The following SYNJ2 variants were observed in gnomAD, a reference collection of about 807,000 sequenced individuals.
The protein encoded by SYNJ2 is polyphosphatidylinositol phosphatase SYNJ2.
A neutral mutation model predicts 141.3 loss-of-function variants in SYNJ2; 116 were observed. The observed-to-expected ratio is 0.82, with a 90% CI of 0.71 to 0.96. The LOEUF (loss-of-function observed/expected upper bound fraction) is 0.96. SYNJ2 is among the 40% of genes least tolerant of loss of function. The probability of loss-of-function intolerance (pLI) is 0.00; values close to 1 mark genes in which losing one functional copy is unlikely to be tolerated. For synonymous variants in SYNJ2, 745 were observed against 777.7 expected, an observed-to-expected ratio of 0.96 and a Z score of 0.70; for missense variants, 1,873 against 1,934.8, an observed-to-expected ratio of 0.97 and a Z score of 0.60.
chr6:158,009,609 C>T (rs1157916037), intron 1 of SYNJ2, among the ~76,000 whole-genome samples: 1 of 152,156 alleles, frequency 6.6e-6, no homozygotes, highest in East Asian at 1.9e-4. Flanking sequence ...AAGACATTCT[C>T]GTGTAGGAAA....
intron 2 of SYNJ2, 148 bp from the exon 3 acceptor site, chr6:158,028,608 T>C (rs778027884): frequency 1.9e-5 from 20 of 1,029,266 alleles, no homozygotes; most frequent in Non-Finnish European, 2.7e-5. Context: ...TCTTGAGCCA[T>C]TGAGTTGGGC....
chr6:158,094,034 C>T (rs1783643359), intron 26 of SYNJ2: 1 of 763,518 alleles, frequency 1.3e-6, no homozygotes, highest in Admixed American at 1.7e-5. Context: ...GTAACGGACC[C>T]TCGGTAATCC....
rs150904885 is a variant in SYNJ2 at position 158,022,146 on chromosome 6, G to A, written c.214+4856G>A. Among the ~76,000 whole-genome samples the A allele has an allele frequency of 9.6e-3, 1,456 of 152,302 alleles. 23 individuals are homozygous for A. The highest frequency in any genetic ancestry group is 0.033 in the African/African-American group (1,358 of 41,554). On this transcript the variant is annotated intron_variant, in intron 2 of 26. Transcript: ENST00000355585. Reference sequence around the variant, plus strand: ...GGGGAGGCTCAAGGGTCATCTGGCCGAAGCTTCCCCCTTCACAGGTGGGAA... The same window carrying A: ...GGGGAGGCTCAAGGGTCATCTGGCCAAAGCTTCCCCCTTCACAGGTGGGAA...
intron 12 of SYNJ2, 164 bp downstream of exon 12, chr6:158,066,799 C>G (rs1317542836): frequency 1.3e-6 from 1 of 767,190 alleles, no homozygotes; most frequent in South Asian, 1.7e-5. Flanking sequence ...AATGCTGCCT[C>G]GCAAGTAACT....
intron 1 of SYNJ2, among the ~76,000 whole-genome samples, chr6:157,983,024 C>T (rs1777070595): frequency 6.6e-6 from 1 of 152,374 alleles, no homozygotes; most frequent in East Asian, 1.9e-4. Context: ...GCTCCCACCA[C>T]TAGGCGTCCA....
chr6:158,045,501 T>C (rs1347546080), intron 5 of SYNJ2, among the ~76,000 whole-genome samples: 1 of 152,176 alleles, frequency 6.6e-6, no homozygotes, highest in Non-Finnish European at 1.5e-5. Context: ...GAATTCCTCC[T>C]GTATTGCACT....
intron 8 of SYNJ2, 60 bp from the exon 9 acceptor site, chr6:158,063,731 C>G: frequency 8.0e-7 from 1 of 1,242,498 alleles, no homozygotes. Context: ...GGCCTCTGTG[C>G]TATGGCCACT....
chr6:158,015,652 T>A (rs1562324684), intron 1 of SYNJ2, among the ~76,000 whole-genome samples: 1 of 152,210 alleles, frequency 6.6e-6, no homozygotes, highest in African/African-American at 2.4e-5. Context: ...ATTAGTGTTG[T>A]TTCAGATATC....
At chr6:158,013,691 A>C (rs762062440) in intron 1 of SYNJ2, among the ~76,000 whole-genome samples, 8 of 152,176 alleles carry the variant, frequency 5.3e-5, no homozygotes, top group Middle Eastern at 3.2e-3. Flanking sequence ...AGTGGCAAAA[A>C]TGTGTTACCC....
chr6:158,084,228 A>G lies in SYNJ2; in HGVS notation c.3208+54A>G. ...CTCAGCGATGGAGTCAGCTCAGGACAGACTTTCCTTTTTCTCTTGGCGATT... is the reference window on the plus strand; with the variant it reads ...CTCAGCGATGGAGTCAGCTCAGGACGGACTTTCCTTTTTCTCTTGGCGATT... On this transcript the variant is annotated intron_variant, in intron 22 of 26. Coordinates refer to ENST00000355585, the MANE Select transcript of SYNJ2 (RefSeq NM_003898.4). This position sits in a 1 kb window ranked among gnomAD's most constrained non-coding sequence, Gnocchi z 5.0. 1.9e-6 allele frequency: 3 copies of G among 1,564,544 alleles called. No homozygotes were observed. In the South Asian group the frequency reaches 3.4e-5, roughly 18 times the overall value.
At chr6:158,033,416 G>A in intron 3 of SYNJ2, 39 bp from the exon 4 acceptor site, 1 of 1,600,032 alleles carries the variant, frequency 6.2e-7, no homozygotes, top group Non-Finnish European at 8.6e-7. Flanking sequence ...ATTGGAGGAT[G>A]TCAAGTGACT....
chr6:158,050,801 T>G (rs918648561), intron 5 of SYNJ2, among the ~76,000 whole-genome samples: 1 of 152,146 alleles, frequency 6.6e-6, no homozygotes, highest in Non-Finnish European at 1.5e-5. Context: ...TCAAATTAAT[T>G]TGCGCTTGTG....
At chr6:158,025,274 C>A (rs566202961) in intron 2 of SYNJ2, among the ~76,000 whole-genome samples, 1 of 152,192 alleles carries the variant, frequency 6.6e-6, no homozygotes, top group Non-Finnish European at 1.5e-5. Flanking sequence ...CTCCCAAATA[C>A]CCCCACCACC....
rs375944089 is a variant in SYNJ2 at position 158,089,341 on chromosome 6, C to T, written c.3457-498C>T. ...GGTGCTAGGGGGAAACTGCTATGAC[C>T]GGGATGCCTCTGGGGTGCTGGGCCT... is the stretch of plus-strand genomic sequence containing the variant. On this transcript the variant is annotated intron_variant, in intron 24 of 26. Transcript: ENST00000355585. 1.1e-4 allele frequency among the ~76,000 whole-genome samples: 16 copies of T among 152,064 alleles called. 1 individual carries two copies. The highest frequency in any genetic ancestry group is 3.1e-4 in the African/African-American group (13 of 41,478).
At chr6:158,072,750 AAAG>A (rs1447603896) in intron 15 of SYNJ2, among the ~76,000 whole-genome samples, 1 of 151,458 alleles carries the variant, frequency 6.6e-6, no homozygotes, top group African/African-American at 2.4e-5. Flanking sequence ...AAAAAAAAAA[AAAG>A]TCTAACCCTT....
Position 158,078,635 on chromosome 6 carries a change from T to C in SYNJ2, c.2567+354T>C, listed in dbSNP as rs112102041. 3.0e-3 allele frequency: 596 copies of C among 197,740 alleles called. 3 individuals are homozygous for C. The highest frequency in any genetic ancestry group is 0.013 in the African/African-American group (564 of 42,784). The allele number at this position is 197,740 out of a possible 1,614,324, so 12.2% of individuals were successfully genotyped here. On this transcript the variant is annotated intron_variant, in intron 18 of 26. Coordinates refer to ENST00000355585, the MANE Select transcript of SYNJ2 (RefSeq NM_003898.4). ...TTGAGATACAGTCGTGTTGATGTTA[T>C]AGCTCTGGTGCATTCATTTGTAACT...
chr6:158,096,566 T>C lies in SYNJ2; in HGVS notation c.*202T>C. On this transcript the variant is annotated 3_prime_UTR_variant, in exon 27 of 27. Coordinates refer to ENST00000355585, the MANE Select transcript of SYNJ2 (RefSeq NM_003898.4). ...ACCAAAATATATTTCACTCAAGGCTTGTACATCTGAAGTTTGCTCTTCAAG... is the reference window on the plus strand; with the variant it reads ...ACCAAAATATATTTCACTCAAGGCTCGTACATCTGAAGTTTGCTCTTCAAG... 1.9e-6 allele frequency: 1 copy of C among 522,292 alleles called. No homozygotes were observed. Among genetic ancestry groups the C allele is most frequent in the Non-Finnish European group, 3.2e-6 (1 of 308,098 alleles). The allele number at this position is 522,292 out of a possible 1,614,324, so 32.4% of individuals were successfully genotyped here.
chr6:158,055,082 C>A, intron 6 of SYNJ2, 54 bp downstream of exon 6: 1 of 1,592,468 alleles, frequency 6.3e-7, no homozygotes, highest in Non-Finnish European at 8.6e-7. Context: ...TAGACATCGT[C>A]CTCCCATCAG....
intron 20 of SYNJ2, 134 bp from the exon 21 acceptor site, chr6:158,083,295 C>G: frequency 9.4e-7 from 1 of 1,067,764 alleles, no homozygotes; most frequent in South Asian, 1.6e-5. Flanking sequence ...GAGGTCTGGA[C>G]CCTTGGTTTT....
Sources: allele counts gnomAD v4.1 joint callset (sites outside exome capture counted in the v4.1 genomes callset), GRCh38; gene constraint gnomAD v4.1.1; non-coding constraint Gnocchi (gnomAD v3.1); transcripts MANE v1.5; gene names NCBI Gene and HGNC (gene_info 2026-07-23, HGNC 2026-07-21).